EIF2S2: variants seen among roughly 807,000 people sequenced by gnomAD.
EIF2S2 encodes eukaryotic translation initiation factor 2 subunit 2.
EIF2S2 carries 4 observed loss-of-function variants against 44.0 expected under a neutral mutation model. That is an observed-to-expected ratio of 0.09 (90% confidence interval 0.04 to 0.21). The LOEUF (loss-of-function observed/expected upper bound fraction) is 0.21. EIF2S2 is among the 10% of genes least tolerant of loss of function. The probability of loss-of-function intolerance (pLI) is 1.00; values close to 1 mark genes in which losing one functional copy is unlikely to be tolerated. For synonymous variants in EIF2S2, 108 were observed against 128.3 expected, an observed-to-expected ratio of 0.84 and a Z score of 1.07; for missense variants, 154 against 392.0, an observed-to-expected ratio of 0.39 and a Z score of 5.13.
intron 8 of EIF2S2, among the ~76,000 whole-genome samples, chr20:34,090,174 G>C (rs113538055): frequency 1.1e-4 from 17 of 152,344 alleles, no homozygotes; most frequent in African/African-American, 3.8e-4. Flanking sequence ...GTCTAGAGGA[G>C]AGCCACTCAA....
At position 34,112,141 on chromosome 20, in the gene EIF2S2, G is replaced by T. The variant is rs1327389969; in HGVS notation, c.-31C>A. ...CGGCTCGAGTGGGCTCGGCACGGAC[G>T]GGAAGTCAGACGGGTCAGCCCCAGG... On this transcript the variant is annotated 5_prime_UTR_variant, in exon 1 of 9. Coordinates refer to ENST00000374980, the MANE Select transcript of EIF2S2 (RefSeq NM_003908.5). 6.5e-6 allele frequency: 10 copies of T among 1,538,488 alleles called. No individual in the cohort carries two copies. The highest frequency in any genetic ancestry group is 6.0e-5 in the South Asian group (5 of 82,866).
rs1433278651 is a variant in EIF2S2 at position 34,088,495 on chromosome 20, C to T, written c.*1235G>A. 4 of 152,776 alleles carry T rather than the reference C, an allele frequency of 2.6e-5. No homozygotes were observed. The highest frequency in any genetic ancestry group is 5.9e-5 in the Non-Finnish European group (4 of 68,034). 9.5% of individuals were successfully genotyped at this position (152,776 alleles called of 1,614,324 possible). The stretch of plus-strand genomic sequence containing the variant: ...CTCTACTGCTTTACCCATCACCCTC[C>T]ACTGTTTTAGCCAAGGTGTTTGACA... On this transcript the variant is annotated 3_prime_UTR_variant, in exon 9 of 9. Transcript: ENST00000374980.
intron 1 of EIF2S2, chr20:34,108,093 C>A (rs1177861859): frequency 6.6e-6 from 1 of 152,122 alleles, no homozygotes; most frequent in Admixed American, 6.5e-5. Flanking sequence ...GGATTACCAT[C>A]CATTTATTGC....
At chr20:34,109,041 T>A (rs778368169) in intron 1 of EIF2S2, among the ~76,000 whole-genome samples, 5 of 152,086 alleles carry the variant, frequency 3.3e-5, no homozygotes, top group Admixed American at 6.5e-5. Flanking sequence ...CTCGAACTCC[T>A]GGCCTCAGCC....
rs371740409 is a variant in EIF2S2 at position 34,101,442 on chromosome 20, A to G, written c.297+2020T>C. Reference sequence around the variant, plus strand: ...CAGAGTGAGACTTTGTCTCAAATAAATAAGTAAATAAATAAATCTGCCCAT... The same window carrying G: ...CAGAGTGAGACTTTGTCTCAAATAAGTAAGTAAATAAATAAATCTGCCCAT... On this transcript the variant is annotated intron_variant, in intron 3 of 8. Transcript: ENST00000374980. Among the ~76,000 whole-genome samples, 33 of 152,192 alleles carry G rather than the reference A, an allele frequency of 2.2e-4. No individual in the cohort carries two copies. The East Asian group carries it at 4.3e-3, about 20-fold the overall frequency.
At position 34,099,662 on chromosome 20, in the gene EIF2S2, A is replaced by G. The variant is rs535013200; in HGVS notation, c.298-1029T>C. ...TCACTTCAGATGCCAGTCACCACGT[A>G]TTGGGTTCCCATGCTGCCTGCTTCT... On this transcript the variant is annotated intron_variant, in intron 3 of 8. Coordinates refer to ENST00000374980, the MANE Select transcript of EIF2S2 (RefSeq NM_003908.5). Among the ~76,000 whole-genome samples the G allele has an allele frequency of 3.9e-5, 6 of 151,932 alleles. No homozygotes were observed. The South Asian group carries it at 1.3e-3, about 32-fold the overall frequency.
At chr20:34,099,990 T>A (rs2034277029) in intron 3 of EIF2S2, among the ~76,000 whole-genome samples, 1 of 152,166 alleles carries the variant, frequency 6.6e-6, no homozygotes, top group Non-Finnish European at 1.5e-5. Context: ...TACAAAGGTA[T>A]GACCAATTGA....
intron 2 of EIF2S2, among the ~76,000 whole-genome samples, chr20:34,104,671 C>G (rs1167682901): frequency 6.6e-6 from 1 of 152,164 alleles, no homozygotes; most frequent in Non-Finnish European, 1.5e-5. Context: ...ACAAGTTTTC[C>G]ATTTGACCTG....
chr20:34,110,606 A>C (rs2034401900), intron 1 of EIF2S2, among the ~76,000 whole-genome samples: 1 of 152,156 alleles, frequency 6.6e-6, no homozygotes, highest in African/African-American at 2.4e-5. Context: ...GCAGTAATGC[A>C]TTCATATTCC....
At chr20:34,108,680 A>G (rs2034375676) in intron 1 of EIF2S2, among the ~76,000 whole-genome samples, 1 of 152,202 alleles carries the variant, frequency 6.6e-6, no homozygotes, top group East Asian at 1.9e-4. Flanking sequence ...TCTATTTTCA[A>G]CTTCTCACGT....
At position 34,092,417 on chromosome 20, in the gene EIF2S2, TC is replaced by T. The variant is rs575517638; in HGVS notation, c.740+1257del. On this transcript the variant is annotated intron_variant, in intron 7 of 8. Coordinates refer to ENST00000374980, the MANE Select transcript of EIF2S2 (RefSeq NM_003908.5). ...TGGGTGCGGTGGCTCACGCCTGTAA[TC>T]CCAGCACTTTGGGAGACCAAGGCAG... Among the ~76,000 whole-genome samples the T allele has an allele frequency of 3.0e-3, 455 of 152,324 alleles. 3 individuals are homozygous for T. Among genetic ancestry groups the T allele is most frequent in the African/African-American group, 0.011 (443 of 41,568 alleles).
chr20:34,092,479 G>T (rs1450217801), intron 7 of EIF2S2, among the ~76,000 whole-genome samples: 2 of 152,168 alleles, frequency 1.3e-5, no homozygotes, highest in Non-Finnish European at 2.9e-5. Flanking sequence ...GACCATCCTG[G>T]CTAACACGGT....
intron 2 of EIF2S2, 148 bp from the exon 3 acceptor site, chr20:34,103,713 T>C: frequency 8.6e-7 from 1 of 1,164,846 alleles, no homozygotes; most frequent in African/African-American, 1.6e-5. Context: ...TATGGTTCTT[T>C]TTTTTTTTTT....
rs550592139 is a variant in EIF2S2 at position 34,112,172 on chromosome 20, G to A, written c.-62C>T. The A allele has an allele frequency of 1.8e-4, 263 of 1,491,776 alleles. No individual in the cohort carries two copies. In the African/African-American group the frequency reaches 3.0e-3, roughly 17 times the overall value. The allele number at this position is 1,491,776 out of a possible 1,614,324, so 92.4% of individuals were successfully genotyped here. On this transcript the variant is annotated 5_prime_UTR_variant, in exon 1 of 9. Coordinates refer to ENST00000374980, the MANE Select transcript of EIF2S2 (RefSeq NM_003908.5). ...TCAGACGGGTCAGCCCCAGGCCCCG[G>A]CGGCAGCGCTGCCCCTGCCGATACC...
chr20:34,104,297 G>A (rs1470501213), intron 2 of EIF2S2, among the ~76,000 whole-genome samples: 2 of 151,952 alleles, frequency 1.3e-5, no homozygotes, highest in African/African-American at 2.4e-5. Flanking sequence ...AAACCTTCCC[G>A]TGGGCCCTCT....
intron 4 of EIF2S2, among the ~76,000 whole-genome samples, chr20:34,098,082 A>AAAATTTGTAAAATTT (rs1393543967): frequency 6.6e-6 from 1 of 152,092 alleles, no homozygotes; most frequent in African/African-American, 2.4e-5. Context: ...TCCCATCTCT[A>AAAATTTGTAAAATTT]CTAAAAATAC....
Position 34,088,868 on chromosome 20 carries a change from A to T in EIF2S2, c.*862T>A, listed in dbSNP as rs180743639. 1.3e-5 allele frequency: 2 copies of T among 152,378 alleles called. No homozygotes were observed. The highest frequency in any genetic ancestry group is 1.9e-4 in the East Asian group (1 of 5,192). The allele number at this position is 152,378 out of a possible 1,614,324, so 9.4% of individuals were successfully genotyped here. A position where few individuals can be genotyped will look rare whatever the true frequency, so the allele number is the denominator to read the frequency against. On this transcript the variant is annotated 3_prime_UTR_variant, in exon 9 of 9. Transcript: ENST00000374980. ...TGTGGTGGGTCTTTTTCAAACCCAG[A>T]ACACAAGTTGGCTAGGAAAACGGAA...
chr20:34,098,078 C>T (rs982157543), intron 4 of EIF2S2, among the ~76,000 whole-genome samples: 10 of 152,058 alleles, frequency 6.6e-5, no homozygotes, highest in Non-Finnish European at 1.0e-4. Flanking sequence ...AAACTCCCAT[C>T]TCTACTAAAA....
intron 2 of EIF2S2, among the ~76,000 whole-genome samples, chr20:34,103,811 G>T (rs2034320263): frequency 6.6e-6 from 1 of 151,916 alleles, no homozygotes. Context: ...GGTTCAAGCG[G>T]TTCTCCTGCC....
Sources: allele counts gnomAD v4.1 joint callset (sites outside exome capture counted in the v4.1 genomes callset), GRCh38; gene constraint gnomAD v4.1.1; transcripts MANE v1.5; gene names NCBI Gene and HGNC (gene_info 2026-07-23, HGNC 2026-07-21).